SLC30A9: variants seen among roughly 807,000 people sequenced by gnomAD.
SLC30A9 encodes the protein solute carrier family 30 member 9.
A neutral mutation model predicts 87.5 loss-of-function variants in SLC30A9; 58 were observed. The ratio of observed to expected loss-of-function variants is 0.66; its 90% CI spans 0.54 to 0.82. SLC30A9 has a LOEUF of 0.82. SLC30A9 is among the 40% of genes least tolerant of loss of function. SLC30A9 has a pLI of 0.00. For synonymous variants in SLC30A9, 234 were observed against 233.0 expected (o/e 1.00, Z -0.04); for missense variants, 557 against 679.1 (o/e 0.82, Z 2.00).
Position 42,072,906 on chromosome 4 carries a change from CA to C in SLC30A9, c.1418+2216del, listed in dbSNP as rs559460644. ...TTGGCTCACTGGAACCTCCGCCTCC[CA>C]GATTCAAGTGATTCTCCTGCCTTAC... On this transcript the variant is annotated intron_variant, in intron 15 of 17. Coordinates refer to ENST00000264451, the MANE Select transcript of SLC30A9 (RefSeq NM_006345.4). 3.2e-3 allele frequency among the ~76,000 whole-genome samples: 483 copies of C among 151,704 alleles called. 1 individual carries two copies. The highest frequency in any genetic ancestry group is 0.011 in the African/African-American group (462 of 41,382).
chr4:42,067,176 C>T lies in SLC30A9; in HGVS notation c.1236C>T (p.Gly412=), dbSNP rs1439243925. Residue 412 remains glycine (G), a synonymous_variant, in exon 14 of 18, where the codon GGC becomes GGT. Coordinates refer to ENST00000264451, the MANE Select transcript of SLC30A9 (RefSeq NM_006345.4). ...TTATAATAGCAGCCACTTGCATGGG[C>T]CTTACTTCTATAACAGGTAAATATT... ...LGVIIAATCM[G]LTSITGNPLY... 1 of 1,592,690 alleles carries T rather than the reference C, an allele frequency of 6.3e-7. No homozygotes were observed. Among genetic ancestry groups the T allele is most frequent in the Non-Finnish European group, 8.6e-7 (1 of 1,160,900 alleles).
chr4:42,023,255 A>T (rs202171410), intron 5 of SLC30A9, 47 bp from the exon 6 acceptor site: 58 of 1,207,616 alleles, frequency 4.8e-5, no homozygotes, highest in South Asian at 6.2e-5. Flanking sequence ...TGATGTCAAT[A>T]AAGTCATTAA....
At chr4:42,035,408 C>G in intron 7 of SLC30A9, 75 bp downstream of exon 7, 1 of 1,510,312 alleles carries the variant, frequency 6.6e-7, no homozygotes, top group Non-Finnish European at 9.0e-7. Context: ...TTGTAAAATT[C>G]TAGCATGTCT....
intron 9 of SLC30A9, among the ~76,000 whole-genome samples, chr4:42,059,858 G>A (rs988596320): frequency 1.3e-5 from 2 of 152,064 alleles, no homozygotes; most frequent in Admixed American, 1.3e-4. Context: ...CTTTATCCAT[G>A]TCAGTATAGA....
At chr4:42,027,037 C>A (rs1007001018) in intron 6 of SLC30A9, among the ~76,000 whole-genome samples, 4 of 152,052 alleles carry the variant, frequency 2.6e-5, no homozygotes, top group Non-Finnish European at 5.9e-5. Context: ...AACCTATGTC[C>A]CTGGCTCTTA....
chr4:42,078,699 A>G (rs1162615893), intron 17 of SLC30A9: 1 of 154,404 alleles, frequency 6.5e-6, no homozygotes, highest in East Asian at 1.9e-4. Context: ...TAGAATGTAT[A>G]TCTTGCTTTT....
intron 3 of SLC30A9, among the ~76,000 whole-genome samples, chr4:42,020,202 T>C (rs990972516): frequency 6.6e-6 from 1 of 152,220 alleles, no homozygotes; most frequent in Non-Finnish European, 1.5e-5. Context: ...TTGGGATCAG[T>C]TATAGATGAC....
In SLC30A9 at chr4:41,990,563, G is replaced by T; in HGVS notation, c.-89G>T. ...TGTGGCGGCGAAGCCATCGGTGTTCGCTGATGTCCAGTCTATGGAGTCAGT... is the reference window on the plus strand; with the variant it reads ...TGTGGCGGCGAAGCCATCGGTGTTCTCTGATGTCCAGTCTATGGAGTCAGT... On this transcript the variant is annotated 5_prime_UTR_variant, in exon 1 of 18. Coordinates refer to ENST00000264451, the MANE Select transcript of SLC30A9 (RefSeq NM_006345.4). 1 of 735,094 alleles carries T rather than the reference G, an allele frequency of 1.4e-6. No individual in the cohort carries two copies. The allele number at this position is 735,094 out of a possible 1,614,324, so 45.5% of individuals were successfully genotyped here.
At chr4:42,066,510 T>G in intron 12 of SLC30A9, 40 bp from the exon 13 acceptor site, 1 of 1,361,408 alleles carries the variant, frequency 7.3e-7, no homozygotes, top group Non-Finnish European at 1.0e-6. Flanking sequence ...TTTGGAGGCA[T>G]GAAGTTTCTG....
rs3827585 is a variant in SLC30A9 at position 42,029,148 on chromosome 4, G to A, written c.610+5764G>A. On this transcript the variant is annotated intron_variant, in intron 6 of 17. Transcript: ENST00000264451. ...CAATGAGCAACACCTCAGAGAACAC[G>A]AGGGCGTGCCCCGAAGCCACCCACC... 5.7e-4 allele frequency: 204 copies of A among 354,988 alleles called. No homozygotes were observed. In the East Asian group the frequency reaches 0.01, roughly 17 times the overall value. The allele number at this position is 354,988 out of a possible 1,614,324, so 22.0% of individuals were successfully genotyped here.
intron 2 of SLC30A9, among the ~76,000 whole-genome samples, chr4:42,016,855 G>A (rs1375298251): frequency 6.6e-6 from 1 of 151,990 alleles, no homozygotes; most frequent in Non-Finnish European, 1.5e-5. Context: ...GGGCATTTGG[G>A]TTGTTGCCAG....
At chr4:42,056,827 G>A (rs1717635988) in intron 9 of SLC30A9, among the ~76,000 whole-genome samples, 1 of 152,084 alleles carries the variant, frequency 6.6e-6, no homozygotes, top group Non-Finnish European at 1.5e-5. Context: ...ACAGGCATTG[G>A]GTAAATACAG....
chr4:41,996,575 C>CA (rs926394213), intron 1 of SLC30A9, among the ~76,000 whole-genome samples: 16 of 150,708 alleles, frequency 1.1e-4, no homozygotes, highest in East Asian at 4.0e-4. Flanking sequence ...CCCATCTCTA[C>CA]AAAAAAAAAT....
intron 2 of SLC30A9, among the ~76,000 whole-genome samples, chr4:42,014,686 G>C (rs1715627204): frequency 6.6e-6 from 1 of 152,106 alleles, no homozygotes; most frequent in African/African-American, 2.4e-5. Context: ...GGATAAAGAA[G>C]ATATGGTCTA....
intron 1 of SLC30A9, among the ~76,000 whole-genome samples, chr4:41,995,641 C>T (rs982077097): frequency 1.1e-4 from 16 of 152,036 alleles, no homozygotes; most frequent in African/African-American, 3.4e-4. Context: ...GAGCAAGCCA[C>T]GTGAAGGTCT....
chr4:42,038,073 G>C (rs78487003), intron 7 of SLC30A9, among the ~76,000 whole-genome samples: 1 of 152,094 alleles, frequency 6.6e-6, no homozygotes, highest in Non-Finnish European at 1.5e-5. Context: ...CGCCCGACCT[G>C]ATTATGGAAT....
chr4:42,036,448 C>A (rs1716678889), intron 7 of SLC30A9, among the ~76,000 whole-genome samples: 1 of 152,084 alleles, frequency 6.6e-6, no homozygotes, highest in Admixed American at 6.5e-5. Context: ...GGCTTTCAAC[C>A]CCACCACCCC....
intron 9 of SLC30A9, among the ~76,000 whole-genome samples, chr4:42,049,825 A>C (rs950655166): frequency 6.6e-6 from 1 of 152,176 alleles, no homozygotes; most frequent in Non-Finnish European, 1.5e-5. Context: ...AAATGCTTTC[A>C]CATTAGATTC....
intron 2 of SLC30A9, among the ~76,000 whole-genome samples, chr4:42,007,941 A>T (rs1416578768): frequency 6.6e-6 from 1 of 152,128 alleles, no homozygotes; most frequent in African/African-American, 2.4e-5. Flanking sequence ...TCACTTTTTT[A>T]ATTAAAACTC....
Sources: allele counts gnomAD v4.1 joint callset (sites outside exome capture counted in the v4.1 genomes callset), GRCh38; gene constraint gnomAD v4.1.1; transcripts MANE v1.5; gene names NCBI Gene and HGNC (gene_info 2026-07-23, HGNC 2026-07-21).